The following ZNF106 variants were observed in gnomAD, a reference collection of about 807,000 sequenced individuals.
ZNF106 encodes the protein SH3-domain binding protein 3.
Under a neutral mutation model 195.1 loss-of-function variants are expected in ZNF106, and 67 were observed. The observed-to-expected ratio is 0.34, with a 90% CI of 0.28 to 0.42. The LOEUF (loss-of-function observed/expected upper bound fraction) is 0.42, where lower values mean the gene tolerates loss of function less well. Among genes scored for constraint, ZNF106 ranks in the 10% least tolerant of loss-of-function variants. ZNF106 has a pLI of 1.00. For synonymous variants in ZNF106, 784 were observed against 818.6 expected (o/e 0.96, Z 0.72); for missense variants, 2,118 against 2,304.5 (o/e 0.92, Z 1.66).
intron 1 of ZNF106, among the ~76,000 whole-genome samples, chr15:42,473,748 T>C (rs2056728771): frequency 6.6e-6 from 1 of 152,194 alleles, no homozygotes; most frequent in Admixed American, 6.5e-5. Context: ...CAATATCTGC[T>C]ACCCCATGTG....
intron 6 of ZNF106, among the ~76,000 whole-genome samples, 161 bp from the exon 7 acceptor site, chr15:42,446,819 C>T (rs2055792217): frequency 6.6e-6 from 1 of 152,032 alleles, no homozygotes; most frequent in African/African-American, 2.4e-5. Flanking sequence ...CCAACGCAAA[C>T]TTTAGTTGAA....
At chr15:42,453,104 T>A (rs1044524089) in intron 4 of ZNF106, among the ~76,000 whole-genome samples, 1 of 152,206 alleles carries the variant, frequency 6.6e-6, no homozygotes, top group African/African-American at 2.4e-5. Context: ...TTAAATAAGA[T>A]GATACTTTGC....
intron 17 of ZNF106, 141 bp from the exon 18 acceptor site, chr15:42,422,761 TAC>T (rs2054715348): frequency 2.6e-6 from 2 of 783,664 alleles, no homozygotes; most frequent in South Asian, 6.1e-5. Flanking sequence ...ACTGTACAAA[TAC>T]AGTTAATACA....
intron 1 of ZNF106, among the ~76,000 whole-genome samples, chr15:42,480,738 A>C (rs954107001): frequency 6.6e-6 from 1 of 152,168 alleles, no homozygotes; most frequent in Non-Finnish European, 1.5e-5. Context: ...AAATCCTAGC[A>C]CTTTGGGAGG....
chr15:42,455,308 C>T (rs1157773213), intron 4 of ZNF106, among the ~76,000 whole-genome samples: 8 of 152,166 alleles, frequency 5.3e-5, no homozygotes, highest in African/African-American at 1.9e-4. Context: ...CAAGTCTAAA[C>T]ATAAAATTCA....
In ZNF106 at chr15:42,422,640, A is replaced by G. The variant is rs1320755172; in HGVS notation, c.5254-20T>C. ...ACCAGTCTATGTCAGAAGAGAAGTA[A>G]GAGTCACCAGACTGACTTTCGAGAC... On this transcript the variant is annotated intron_variant, in intron 17 of 21. Coordinates refer to ENST00000564754, the MANE Select transcript of ZNF106 (RefSeq NM_001366845.3). 3.1e-6 allele frequency: 5 copies of G among 1,588,468 alleles called. No individual in the cohort carries two copies. The African/African-American group carries it at 6.8e-5, about 22-fold the overall frequency.
chr15:42,446,687 T>C, intron 6 of ZNF106, 29 bp from the exon 7 acceptor site: 1 of 1,559,084 alleles, frequency 6.4e-7, no homozygotes, highest in Non-Finnish European at 8.7e-7. Flanking sequence ...CTGAATAAAA[T>C]CCAATGTGTA....
At chr15:42,447,204 T>C (rs1246721232) in intron 6 of ZNF106, among the ~76,000 whole-genome samples, 2 of 152,174 alleles carry the variant, frequency 1.3e-5, no homozygotes, top group African/African-American at 4.8e-5. Flanking sequence ...TTAACTACTA[T>C]GCTTATCACC....
chr15:42,457,107 A>G lies in ZNF106; in HGVS notation c.168T>C (p.Ser56=). 1 of 1,614,056 alleles carries G rather than the reference A, an allele frequency of 6.2e-7. No individual in the cohort carries two copies. The highest frequency in any genetic ancestry group is 8.5e-7 in the Non-Finnish European group (1 of 1,179,992). Reference sequence around the variant, plus strand: ...GGCCAGAAATGTGCTTTGCATATGCAGAAAGACCCACTTCTGTGACCCCGC... The same window carrying G: ...GGCCAGAAATGTGCTTTGCATATGCGGAAAGACCCACTTCTGTGACCCCGC... ...RVCGVTEVGL[S]AYAKHISGQL... is the part of the protein sequence containing the mutation. The change falls in exon 4 of 22, where the codon TCT becomes TCC. Residue 56 remains serine, a synonymous_variant. Transcript: ENST00000564754.
At chr15:42,463,070 A>C (rs1407924844) in intron 3 of ZNF106, among the ~76,000 whole-genome samples, 4 of 151,594 alleles carry the variant, frequency 2.6e-5, no homozygotes, top group Non-Finnish European at 5.9e-5. Flanking sequence ...AAGTGCTGGG[A>C]TTATAGGCAC....
Position 42,417,156 on chromosome 15 carries a change from C to T in ZNF106, c.*148G>A. On this transcript the variant is annotated 3_prime_UTR_variant, in exon 22 of 22. Transcript: ENST00000564754. ...AAGTGTAATTTATCATCCCATAGAGCTGCCCAGACTTATGCTAGGGGTATG... is the reference window on the plus strand; with the variant it reads ...AAGTGTAATTTATCATCCCATAGAGTTGCCCAGACTTATGCTAGGGGTATG... The T allele has an allele frequency of 4.2e-6, 3 of 711,498 alleles. No individual in the cohort carries two copies. Among genetic ancestry groups the T allele is most frequent in the Non-Finnish European group, 2.3e-6 (1 of 426,462 alleles). 44.1% of individuals were successfully genotyped at this position (711,498 alleles called of 1,614,324 possible). A position where few individuals can be genotyped will look rare whatever the true frequency, so the allele number is the denominator to read the frequency against.
At chr15:42,428,841 G>T (rs1438754460) in intron 14 of ZNF106, among the ~76,000 whole-genome samples, 2 of 151,916 alleles carry the variant, frequency 1.3e-5, no homozygotes, top group African/African-American at 4.8e-5. Context: ...TCGGCTCACT[G>T]CAAGCTCCAC....
intron 3 of ZNF106, 158 bp from the exon 4 acceptor site, chr15:42,457,316 G>C: frequency 6.7e-7 from 1 of 1,495,000 alleles, no homozygotes; most frequent in Non-Finnish European, 8.9e-7. Context: ...CTTTTAATAA[G>C]TTTGTTTATA....
intron 21 of ZNF106, 151 bp downstream of exon 21, chr15:42,417,654 T>A: frequency 1.0e-6 from 1 of 961,686 alleles, no homozygotes. Context: ...TGCAACTTCA[T>A]TAAGCTACCC....
rs373360628 is a variant in ZNF106, at chr15:42,451,359, G to A, written c.913C>T (p.Arg305Trp). The A allele has an allele frequency of 1.9e-5, 31 of 1,613,486 alleles. No homozygotes were observed. The highest frequency in any genetic ancestry group is 6.7e-5 in the African/African-American group (5 of 74,858). The change falls in exon 5 of 22, where the codon CGG (arginine) becomes TGG (tryptophan). Residue 305 changes from arginine (R) to tryptophan (W), a missense_variant. Physicochemically the swap from Arg to Trp is moderately radical, Grantham distance 101. Transcript: ENST00000564754. Reference sequence around the variant, plus strand: ...GTACCAAGTTTGTCATTTTCTTGCCGCTGCCAATTATATCTGTCGTGACTG... The same window carrying A: ...GTACCAAGTTTGTCATTTTCTTGCCACTGCCAATTATATCTGTCGTGACTG... ...KYSHDRYNWQ[R>W]QENDKLGTVA...
intron 6 of ZNF106, among the ~76,000 whole-genome samples, chr15:42,447,240 C>G (rs2055807260): frequency 6.6e-6 from 1 of 152,144 alleles, no homozygotes; most frequent in African/African-American, 2.4e-5. Flanking sequence ...AGAAGCCCAG[C>G]ACAGTGACAC....
In ZNF106 at chr15:42,450,062, G is replaced by C; in HGVS notation, c.2210C>G (p.Pro737Arg). 6.2e-7 allele frequency: 1 copy of C among 1,614,196 alleles called. No individual in the cohort carries two copies. Among genetic ancestry groups the C allele is most frequent in the Non-Finnish European group, 8.5e-7 (1 of 1,180,032 alleles). ...QKSDISQPSGPLLPELSKLGF... is the reference protein window; with the variant it reads ...QKSDISQPSGRLLPELSKLGF... ...AAGCTTACTTAGTTCAGGCAGGAGA[G>C]GGCCCGAGGGCTGACTGATGTCACT... Residue 737 changes from proline (P) to arginine (R), a missense_variant, in exon 5 of 22, where the codon CCT becomes CGT. By Grantham distance (103) the Pro-to-Arg change is moderately radical. Transcript: ENST00000564754.
intron 8 of ZNF106, among the ~76,000 whole-genome samples, 189 bp downstream of exon 8, chr15:42,444,638 C>T (rs1407343752): frequency 6.6e-6 from 1 of 152,172 alleles, no homozygotes; most frequent in Non-Finnish European, 1.5e-5. Context: ...GCTTTGGACT[C>T]ATCACCCTGG....
At chr15:42,467,844 G>A (rs2056556836) in intron 2 of ZNF106, among the ~76,000 whole-genome samples, 1 of 151,952 alleles carries the variant, frequency 6.6e-6, no homozygotes, top group Admixed American at 6.6e-5. Context: ...ATTTAGTCTT[G>A]CCCTCTCGGA....
Sources: gnomAD v4.1 joint callset for allele counts (sites outside exome capture counted in the v4.1 genomes callset) on GRCh38, gnomAD v4.1.1 for gene constraint, MANE v1.5 for transcripts, NCBI Gene and HGNC (gene_info 2026-07-23, HGNC 2026-07-21) for gene names.